Variants in MAP3K3 observed in about 807,000 individuals in gnomAD.
MAP3K3 encodes mitogen-activated protein kinase kinase kinase 3, also known as MAP/ERK kinase kinase 3.
A neutral mutation model predicts 80.9 loss-of-function variants in MAP3K3; 12 were observed. The ratio of observed to expected loss-of-function variants is 0.15; its 90% CI spans 0.10 to 0.24. MAP3K3 has a LOEUF of 0.24. Among genes scored for constraint, MAP3K3 ranks in the 10% least tolerant of loss-of-function variants. The pLI is 1.00. For synonymous variants in MAP3K3, 272 were observed against 307.1 expected, an observed-to-expected ratio of 0.89 and a Z score of 1.19; for missense variants, 596 against 834.7, an observed-to-expected ratio of 0.71 and a Z score of 3.52.
chr17:63,667,033 G>C lies in MAP3K3; in HGVS notation c.475G>C (p.Glu159Gln). The C allele has an allele frequency of 6.2e-7, 1 of 1,609,962 alleles. No individual in the cohort carries two copies. The highest frequency in any genetic ancestry group is 8.5e-7 in the Non-Finnish European group (1 of 1,179,098). Residue 159 changes from glutamate to glutamine, a missense_variant, in exon 6 of 16, where the codon GAG becomes CAG. Glu to Gln is a conservative substitution (Grantham distance 29). Coordinates refer to ENST00000361733, the MANE Select transcript of MAP3K3 (RefSeq NM_002401.5). ...TATAAATACTATCTACCAGCCCCCC[G>C]AGCCCAGAAGCAGGCACCTCTCTGT... ...GDINTIYQPP[E>Q]PRSRHLSVSS... is the part of the protein sequence containing the mutation.
chr17:63,684,037 C>G (rs1276054337), intron 7 of MAP3K3, among the ~76,000 whole-genome samples: 1 of 152,124 alleles, frequency 6.6e-6, no homozygotes, highest in East Asian at 1.9e-4. Context: ...GCACACCTGC[C>G]TGTAGTCCCA....
At chr17:63,690,818 G>A (rs1381964384) in intron 12 of MAP3K3, among the ~76,000 whole-genome samples, 2 of 152,130 alleles carry the variant, frequency 1.3e-5, no homozygotes, top group African/African-American at 4.8e-5. Context: ...TTTCAACGTC[G>A]CTTATACTTC....
chr17:63,675,585 A>T (rs979851752), intron 6 of MAP3K3, among the ~76,000 whole-genome samples: 1 of 152,246 alleles, frequency 6.6e-6, no homozygotes, highest in Non-Finnish European at 1.5e-5. Flanking sequence ...GGAGGCTGGT[A>T]GAGAGCTAGC....
chr17:63,666,122 C>T (rs139176813), intron 5 of MAP3K3, among the ~76,000 whole-genome samples: 145 of 152,194 alleles, frequency 9.5e-4, no homozygotes, highest in African/African-American at 3.2e-3. Context: ...TTTTCTCTGG[C>T]GGCTGGACTG....
rs2035532848 is a variant in MAP3K3, at chr17:63,689,404, T to G, written c.872-140T>G. 1 of 671,880 alleles carries G rather than the reference T, an allele frequency of 1.5e-6. No homozygotes were observed. The highest frequency in any genetic ancestry group is 1.9e-5 in the South Asian group (1 of 52,558). 41.6% of individuals were successfully genotyped at this position (671,880 alleles called of 1,614,324 possible). On this transcript the variant is annotated intron_variant, in intron 10 of 15. Coordinates refer to ENST00000361733, the MANE Select transcript of MAP3K3 (RefSeq NM_002401.5). The surrounding 1 kb of genome is among the most constrained non-coding windows in gnomAD (Gnocchi z 4.3). Reference sequence around the variant, plus strand: ...GAGTGCGGACGGGATGGGCTGGAGCTGGTATTATCTATCACTTCTGGCTGA... The same window carrying G: ...GAGTGCGGACGGGATGGGCTGGAGCGGGTATTATCTATCACTTCTGGCTGA...
chr17:63,670,552 C>T (rs1433994946), intron 6 of MAP3K3, among the ~76,000 whole-genome samples: 1 of 137,478 alleles, frequency 7.3e-6, no homozygotes, highest in African/African-American at 2.8e-5. Flanking sequence ...CACTGTACTC[C>T]AGCCTGGGTG....
rs192095725 is a variant in MAP3K3 at position 63,667,551 on chromosome 17, T to C, written c.502+491T>C. On this transcript the variant is annotated intron_variant, in intron 6 of 15. Transcript: ENST00000361733. ...CTGGAAGGAAAGGAGACTATTGACA[T>C]AGTACAGTCATTTCTCTGTGTTTGT... 8.3e-3 allele frequency among the ~76,000 whole-genome samples: 1,271 copies of C among 152,248 alleles called. 14 individuals carry two copies. The highest frequency in any genetic ancestry group is 0.014 in the Non-Finnish European group (950 of 68,014).
At chr17:63,659,739 G>T in intron 5 of MAP3K3, among the ~76,000 whole-genome samples, 1 of 151,764 alleles carries the variant, frequency 6.6e-6, no homozygotes, top group East Asian at 1.9e-4. Context: ...CACCATGTTG[G>T]CCAGACTGGT....
intron 2 of MAP3K3, among the ~76,000 whole-genome samples, chr17:63,643,278 A>G (rs1435566683): frequency 6.6e-6 from 1 of 151,758 alleles, no homozygotes. Flanking sequence ...GCTGAGGTGG[A>G]CAGATTGCTT....
At chr17:63,628,645 C>T (rs1383507561) in intron 1 of MAP3K3, among the ~76,000 whole-genome samples, 1 of 152,176 alleles carries the variant, frequency 6.6e-6, no homozygotes, top group African/African-American at 2.4e-5. Context: ...CAGGCGTGAG[C>T]CCCTGGGCCC....
At chr17:63,675,429 T>A (rs1229241706) in intron 6 of MAP3K3, among the ~76,000 whole-genome samples, 1 of 152,216 alleles carries the variant, frequency 6.6e-6, no homozygotes, top group African/African-American at 2.4e-5. Flanking sequence ...ACTTCCTGAC[T>A]GCATCAGCTT....
intron 2 of MAP3K3, among the ~76,000 whole-genome samples, chr17:63,640,615 T>C (rs142382919): frequency 3.3e-5 from 5 of 152,202 alleles, no homozygotes; most frequent in Non-Finnish European, 2.9e-5. Flanking sequence ...CTACTTATTG[T>C]GAATATTCAT....
chr17:63,637,968 G>A (rs2034365035), intron 2 of MAP3K3, among the ~76,000 whole-genome samples: 2 of 152,186 alleles, frequency 1.3e-5, no homozygotes, highest in African/African-American at 4.8e-5. Flanking sequence ...GAGAATTCCA[G>A]GATCTGTTCC....
intron 6 of MAP3K3, among the ~76,000 whole-genome samples, chr17:63,680,086 A>C (rs559211386): frequency 5.3e-5 from 8 of 152,308 alleles, no homozygotes; most frequent in African/African-American, 1.9e-4. Flanking sequence ...CCAGCTACCA[A>C]ACTTGGTCTC....
At position 63,657,878 on chromosome 17, in the gene MAP3K3, A is replaced by T. The variant is rs1280706133; in HGVS notation, c.352A>T (p.Ile118Leu). ...AAGCTCAAGCATGAAAAGCCTTAGGATATTGCTGTTGTCCCAGGACAGAAA... is the reference window on the plus strand; with the variant it reads ...AAGCTCAAGCATGAAAAGCCTTAGGTTATTGCTGTTGTCCCAGGACAGAAA... ...DRSSSMKSLR[I>L]LLLSQDRNHN... is the part of the protein sequence containing the mutation. Residue 118 changes from isoleucine (I) to leucine (L), a missense_variant, in exon 5 of 16, where the codon ATA becomes TTA. Coordinates refer to ENST00000361733, the MANE Select transcript of MAP3K3 (RefSeq NM_002401.5). 2 of 1,604,880 alleles carry T rather than the reference A, an allele frequency of 1.2e-6. No homozygotes were observed. The highest frequency in any genetic ancestry group is 3.4e-5 in the Admixed American group (2 of 59,548).
chr17:63,685,587 A>G lies in MAP3K3; in HGVS notation c.707A>G (p.Asp236Gly). 1 of 1,614,048 alleles carries G rather than the reference A, an allele frequency of 6.2e-7. No individual in the cohort carries two copies. ...GSCQSLDRSA[D>G]SPSFRKSRMS... ...TGCCAATCCTTGGACAGGTCAGCAG[A>G]CAGGTATGGGACTGTGGGTGGTTTG... The change falls in exon 8 of 16, where the codon GAC becomes GGC. Residue 236 changes from aspartate to glycine, a missense_variant. By Grantham distance (94) the Asp-to-Gly change is moderately conservative. Coordinates refer to ENST00000361733, the MANE Select transcript of MAP3K3 (RefSeq NM_002401.5).
At chr17:63,641,659 T>A (rs1053504001) in intron 2 of MAP3K3, among the ~76,000 whole-genome samples, 1 of 152,180 alleles carries the variant, frequency 6.6e-6, no homozygotes, top group African/African-American at 2.4e-5. Context: ...CAGTGCTACA[T>A]TCTTAACAAC....
At chr17:63,636,429 T>TATTC (rs1203785538) in intron 2 of MAP3K3, among the ~76,000 whole-genome samples, 3 of 152,170 alleles carry the variant, frequency 2.0e-5, no homozygotes, top group Admixed American at 2.0e-4. Context: ...GCTGACTGAA[T>TATTC]ATTCTTAGAT....
chr17:63,690,012 AAATGCATTTGATC>A, intron 11 of MAP3K3: 1 of 580,636 alleles, frequency 1.7e-6, no homozygotes, highest in Non-Finnish European at 3.0e-6. Flanking sequence ...CTTTGGAAGG[AAATGCATTTGATC>A]AATGCAGAAG....
Sources: gnomAD v4.1 joint callset for allele counts (sites outside exome capture counted in the v4.1 genomes callset) on GRCh38, gnomAD v4.1.1 for gene constraint, Gnocchi (gnomAD v3.1) non-coding constraint, MANE v1.5 for transcripts, NCBI Gene and HGNC (gene_info 2026-07-23, HGNC 2026-07-21) for gene names.